Variants in OR2L2 observed in about 807,000 individuals in gnomAD.
OR2L2 encodes olfactory receptor family 2 subfamily L member 2, also known as olfactory receptor 2L2.
For missense variants in OR2L2, 378 were observed against 375.2 expected (o/e 1.01, Z -0.06); for synonymous variants, 156 against 135.4 (o/e 1.15, Z -1.06).
rs1662923491 is a variant in OR2L2 at position 248,040,623 on chromosome 1, A to G, written c.*1417A>G. 1 of 152,184 alleles carries G rather than the reference A, an allele frequency of 6.6e-6. No individual in the cohort carries two copies. Among genetic ancestry groups the G allele is most frequent in the Admixed American group, 6.5e-5 (1 of 15,276 alleles). 9.4% of individuals were successfully genotyped at this position (152,184 alleles called of 1,614,324 possible). On this transcript the variant is annotated 3_prime_UTR_variant, in exon 3 of 3. Coordinates refer to ENST00000641771, the MANE Select transcript of OR2L2 (RefSeq NM_001385855.1). The stretch of plus-strand genomic sequence containing the variant: ...TTTTCTCTTTCTGATGATTTTCTCA[A>G]TAAGATATTCTTTTTTAGCTCACTT...
chr1:248,038,524 A>G lies in OR2L2; in HGVS notation c.257A>G (p.Tyr86Cys), dbSNP rs375068162. Residue 86 changes from tyrosine (Y) to cysteine (C), a missense_variant, in exon 3 of 3, where the codon TAT becomes TGT. Physicochemically the swap from Tyr to Cys is radical, Grantham distance 194. Transcript: ENST00000641771. ...IVPKMVYDFL[Y>C]GNKSISFTGC... The stretch of plus-strand genomic sequence containing the variant: ...CCAAAGATGGTTTATGATTTTCTGT[A>G]TGGAAACAAGTCTATCTCCTTCACT... The G allele has an allele frequency of 1.7e-5, 28 of 1,614,180 alleles. No individual in the cohort carries two copies. Among genetic ancestry groups the G allele is most frequent in the Non-Finnish European group, 2.4e-5 (28 of 1,180,012 alleles).
At chr1:248,032,685 C>A (rs550798058) in intron 1 of OR2L2, among the ~76,000 whole-genome samples, 1 of 152,192 alleles carries the variant, frequency 6.6e-6, no homozygotes, top group Admixed American at 6.5e-5. Flanking sequence ...GTCAAAATTT[C>A]TTTCATTTTA....
chr1:248,032,016 G>T (rs1413054286), intron 1 of OR2L2, among the ~76,000 whole-genome samples: 1 of 152,020 alleles, frequency 6.6e-6, no homozygotes, highest in East Asian at 1.9e-4. Flanking sequence ...TGTTAATTGT[G>T]TTAGTAATTT....
chr1:248,035,057 T>A (rs1316602490), intron 1 of OR2L2, among the ~76,000 whole-genome samples: 1 of 152,024 alleles, frequency 6.6e-6, no homozygotes, highest in Non-Finnish European at 1.5e-5. Flanking sequence ...TCCCTTTTTT[T>A]TTTTTTTTGT....
At chr1:248,037,870 G>GTTCT (rs1156770906) in intron 2 of OR2L2, among the ~76,000 whole-genome samples, 19 of 152,250 alleles carry the variant, frequency 1.2e-4, no homozygotes, top group African/African-American at 4.6e-4. Flanking sequence ...ACATCACAGT[G>GTTCT]CCTACCTTGT....
rs6658161 is a variant in OR2L2, at chr1:248,039,080, G to A, written c.813G>A (p.Lys271=). 8.6e-4 allele frequency: 1,382 copies of A among 1,614,078 alleles called. 18 individuals are homozygous for A. In the African/African-American group the frequency reaches 0.012, roughly 14 times the overall value. ...PRSLRSPTED[K]ILAVFYTILT... ...CCCTGCGATCTCCAACAGAGGACAA[G>A]ATTCTGGCTGTTTTCTACACCATCC... Residue 271 remains lysine, a synonymous_variant, in exon 3 of 3, where the codon AAG becomes AAA. Transcript: ENST00000641771.
At position 248,040,225 on chromosome 1, in the gene OR2L2, CATT is replaced by C. The variant is rs1444877668; in HGVS notation, c.*1023_*1025del. ...TTAGGCATGTGCTTAAAAGGATCAA[CATT>C]ATTTCATAAAGGTTATCTGCTTAGG... On this transcript the variant is annotated 3_prime_UTR_variant, in exon 3 of 3. Coordinates refer to ENST00000641771, the MANE Select transcript of OR2L2 (RefSeq NM_001385855.1). 2.6e-5 allele frequency: 4 copies of C among 152,230 alleles called. No homozygotes were observed. The highest frequency in any genetic ancestry group is 7.2e-5 in the African/African-American group (3 of 41,442). The allele number at this position is 152,230 out of a possible 1,614,324, so 9.4% of individuals were successfully genotyped here. A position where few individuals can be genotyped will look rare whatever the true frequency, so the allele number is the denominator to read the frequency against.
At position 248,041,588 on chromosome 1, in the gene OR2L2, G is replaced by T. The variant is rs1171132171; in HGVS notation, c.*2382G>T. ...TGAACAGGCAACCTACAGAATGGGA[G>T]AAAATTTTTGCAACCTACTCATCTG... On this transcript the variant is annotated 3_prime_UTR_variant, in exon 3 of 3. Coordinates refer to ENST00000641771, the MANE Select transcript of OR2L2 (RefSeq NM_001385855.1). The T allele has an allele frequency of 6.6e-6, 1 of 152,048 alleles. No homozygotes were observed. Among genetic ancestry groups the T allele is most frequent in the Non-Finnish European group, 1.5e-5 (1 of 67,996 alleles). The allele number at this position is 152,048 out of a possible 1,614,324, so 9.4% of individuals were successfully genotyped here.
intron 1 of OR2L2, among the ~76,000 whole-genome samples, chr1:248,035,291 A>T (rs1415618542): frequency 1.3e-5 from 2 of 152,090 alleles, no homozygotes; most frequent in African/African-American, 4.8e-5. Context: ...TCTACTAAAA[A>T]TACAAAAATT....
intron 1 of OR2L2, among the ~76,000 whole-genome samples, chr1:248,031,328 T>C (rs1316876439): frequency 6.6e-6 from 1 of 152,192 alleles, no homozygotes; most frequent in African/African-American, 2.4e-5. Context: ...TCATGAGATA[T>C]TGTAACATCG....
Position 248,041,621 on chromosome 1 carries a change from G to A in OR2L2, c.*2415G>A, listed in dbSNP as rs559923319. The stretch of plus-strand genomic sequence containing the variant: ...TTGCAACCTACTCATCTGACAAAGG[G>A]CTAATATCCAGAATCTACAATGAAC... On this transcript the variant is annotated 3_prime_UTR_variant, in exon 3 of 3. Coordinates refer to ENST00000641771, the MANE Select transcript of OR2L2 (RefSeq NM_001385855.1). 4 of 152,110 alleles carry A rather than the reference G, an allele frequency of 2.6e-5. No homozygotes were observed. The East Asian group carries it at 5.8e-4, about 22-fold the overall frequency. 9.4% of individuals were successfully genotyped at this position (152,110 alleles called of 1,614,324 possible).
In OR2L2 at chr1:248,038,844, G is replaced by T. The variant is rs1018774760; in HGVS notation, c.577G>T (p.Val193Phe). The change falls in exon 3 of 3, where the codon GTC (valine) becomes TTC (phenylalanine). Residue 193 changes from valine (V) to phenylalanine (F), a missense_variant. Transcript: ENST00000641771. ...MLTLACTDTW[V>F]YESTVFLSST... Reference sequence around the variant, plus strand: ...GACGCTAGCCTGCACAGACACTTGGGTCTATGAGAGCACAGTGTTTTTGAG... The same window carrying T: ...GACGCTAGCCTGCACAGACACTTGGTTCTATGAGAGCACAGTGTTTTTGAG... 5 of 1,614,002 alleles carry T rather than the reference G, an allele frequency of 3.1e-6. No individual in the cohort carries two copies. Among genetic ancestry groups the T allele is most frequent in the Admixed American group, 1.7e-5 (1 of 59,994 alleles).
At position 248,042,214 on chromosome 1, in the gene OR2L2, A is replaced by G. The variant is rs1328620279; in HGVS notation, c.*3008A>G. On this transcript the variant is annotated 3_prime_UTR_variant, in exon 3 of 3. Transcript: ENST00000641771. ...GTTCATGTCCTTTGTAGGGACATGGATGAAATTGGAAATCATCATTCTCAC... is the reference window on the plus strand; with the variant it reads ...GTTCATGTCCTTTGTAGGGACATGGGTGAAATTGGAAATCATCATTCTCAC... 3 of 152,064 alleles carry G rather than the reference A, an allele frequency of 2.0e-5. No homozygotes were observed. The highest frequency in any genetic ancestry group is 1.5e-5 in the Non-Finnish European group (1 of 68,034). The allele number at this position is 152,064 out of a possible 1,614,324, so 9.4% of individuals were successfully genotyped here. A position where few individuals can be genotyped will look rare whatever the true frequency, so the allele number is the denominator to read the frequency against.
At chr1:248,036,502 G>A (rs1233413983) in intron 2 of OR2L2, among the ~76,000 whole-genome samples, 2 of 152,124 alleles carry the variant, frequency 1.3e-5, no homozygotes, top group Non-Finnish European at 2.9e-5. Flanking sequence ...GTACATACAC[G>A]TGTATTGATC....
intron 1 of OR2L2, among the ~76,000 whole-genome samples, chr1:248,034,652 T>A (rs1169564802): frequency 6.6e-6 from 1 of 152,240 alleles, no homozygotes; most frequent in Admixed American, 6.5e-5. Flanking sequence ...ATTGTTCTAA[T>A]CAGCATTTTG....
At chr1:248,035,511 G>C (rs1469186058) in intron 1 of OR2L2, 39 bp from the exon 2 acceptor site, 1 of 152,090 alleles carries the variant, frequency 6.6e-6, no homozygotes. Flanking sequence ...ATTCTTAACT[G>C]TGACATAATT....
intron 1 of OR2L2, among the ~76,000 whole-genome samples, chr1:248,034,487 A>G (rs1040811979): frequency 5.3e-5 from 8 of 152,304 alleles, no homozygotes; most frequent in East Asian, 1.9e-4. Context: ...AAATTTTAGC[A>G]TGGTTTTTCT....
chr1:248,031,397 G>A (rs903863311), intron 1 of OR2L2, among the ~76,000 whole-genome samples: 1 of 152,186 alleles, frequency 6.6e-6, no homozygotes, highest in African/African-American at 2.4e-5. Flanking sequence ...AGCAAGGTCT[G>A]GTAGAAAGAA....
rs1315630536 is a variant in OR2L2, at chr1:248,038,937, G to A, written c.670G>A (p.Val224Ile). Reference sequence around the variant, plus strand: ...TTCCTATGGCCGGGTTCTCCTTGCTGTCTACCGCATGCACTCTGCAGAAGG... The same window carrying A: ...TTCCTATGGCCGGGTTCTCCTTGCTATCTACCGCATGCACTCTGCAGAAGG... ...ACSYGRVLLA[V>I]YRMHSAEGRK... The change falls in exon 3 of 3, where the codon GTC (valine) becomes ATC (isoleucine). Residue 224 changes from valine (V) to isoleucine (I), a missense_variant. By Grantham distance (29) the Val-to-Ile change is conservative. Coordinates refer to ENST00000641771, the MANE Select transcript of OR2L2 (RefSeq NM_001385855.1). 2 of 1,614,058 alleles carry A rather than the reference G, an allele frequency of 1.2e-6. No homozygotes were observed. The highest frequency in any genetic ancestry group is 1.7e-6 in the Non-Finnish European group (2 of 1,180,010).
Sources: allele counts gnomAD v4.1 joint callset (sites outside exome capture counted in the v4.1 genomes callset), GRCh38; gene constraint gnomAD v4.1.1; transcripts MANE v1.5; gene names NCBI Gene and HGNC (gene_info 2026-07-23, HGNC 2026-07-21).